ASAP1: variants seen among roughly 807,000 people sequenced by gnomAD.
ASAP1 encodes arf-GAP with SH3 domain, ANK repeat and PH domain-containing protein 1.
In ASAP1, 43 loss-of-function variants were observed where a neutral mutation model predicts 145.2. That is an observed-to-expected ratio of 0.30 (90% CI 0.23 to 0.38). ASAP1 has a LOEUF of 0.38. ASAP1 is among the 10% of genes least tolerant of loss of function. The pLI is 1.00. For missense variants in ASAP1, 1,018 were observed against 1,355.3 expected, an observed-to-expected ratio of 0.75 and a Z score of 3.91; for synonymous variants, 546 against 515.5, an observed-to-expected ratio of 1.06 and a Z score of -0.80.
intron 1 of ASAP1, among the ~76,000 whole-genome samples, chr8:130,405,771 T>C (rs984443953): frequency 2.0e-5 from 3 of 152,244 alleles, no homozygotes; most frequent in Non-Finnish European, 4.4e-5. Flanking sequence ...TCTATGTCCG[T>C]ACCTCACCCA....
intron 5 of ASAP1, among the ~76,000 whole-genome samples, chr8:130,213,007 T>C (rs527807489): frequency 6.6e-6 from 1 of 152,314 alleles, no homozygotes; most frequent in African/African-American, 2.4e-5. Context: ...GAACTGTCAG[T>C]CTTGTTTTGC....
chr8:130,439,553 C>T (rs1379452244), intron 1 of ASAP1, among the ~76,000 whole-genome samples: 1 of 151,692 alleles, frequency 6.6e-6, no homozygotes, highest in Non-Finnish European at 1.5e-5. Flanking sequence ...AAGGCCAGCA[C>T]CAAGTGTTTC....
At chr8:130,072,822 T>TGTGTGCGCGTGTGC (rs1554816353) in intron 27 of ASAP1, among the ~76,000 whole-genome samples, 19 of 26,056 alleles carry the variant, frequency 7.3e-4, no homozygotes, top group South Asian at 1.5e-3. Context: ...TGTGTGTGTG[T>TGTGTGCGCGTGTGC]GTGCGCGCGG....
chr8:130,125,254 CCAGTAGGCATCCTACT>C (rs2097573182), intron 17 of ASAP1, among the ~76,000 whole-genome samples: 1 of 151,980 alleles, frequency 6.6e-6, no homozygotes, highest in Non-Finnish European at 1.5e-5. Flanking sequence ...GGGCATTTGT[CCAGTAGGCATCCTACT>C]TGGGGGATGC....
At chr8:130,270,900 G>T (rs1371509715) in intron 3 of ASAP1, among the ~76,000 whole-genome samples, 2 of 107,256 alleles carry the variant, frequency 1.9e-5, no homozygotes, top group Non-Finnish European at 2.0e-5. Context: ...AATCTTTCCT[G>T]TAAGTATTAC....
chr8:130,302,423 T>C (rs1172052301), intron 3 of ASAP1, among the ~76,000 whole-genome samples: 1 of 152,024 alleles, frequency 6.6e-6, no homozygotes, highest in African/African-American at 2.4e-5. Context: ...GAGAGAGAAA[T>C]GCTAAAAATG....
chr8:130,309,725 A>T (rs912462839), intron 3 of ASAP1, among the ~76,000 whole-genome samples: 1 of 152,240 alleles, frequency 6.6e-6, no homozygotes, highest in Non-Finnish European at 1.5e-5. Context: ...GGGGAAAATG[A>T]GAAAACTCAA....
chr8:130,070,634 G>C (rs1214306567), intron 27 of ASAP1, among the ~76,000 whole-genome samples: 1 of 151,726 alleles, frequency 6.6e-6, no homozygotes, highest in Admixed American at 6.6e-5. Context: ...AAGGGACCTT[G>C]CTATGAAATG....
intron 20 of ASAP1, 120 bp from the exon 21 acceptor site, chr8:130,117,115 A>AGAAAATTAT (rs1318951675): frequency 4.8e-6 from 3 of 627,640 alleles, no homozygotes; most frequent in Non-Finnish European, 8.2e-6. Flanking sequence ...ATTATAATAG[A>AGAAAATTAT]GAAAATTATG....
intron 3 of ASAP1, among the ~76,000 whole-genome samples, chr8:130,324,866 G>C (rs375563715): frequency 1.3e-5 from 2 of 152,250 alleles, no homozygotes; most frequent in East Asian, 1.9e-4. Flanking sequence ...CTCAGCTAGT[G>C]GCACAGTGCA....
Position 130,064,893 on chromosome 8 carries a change from A to ATGTGTGTGTG in ASAP1, c.2702-3834_2702-3825dup, listed in dbSNP as rs34905534. Among the ~76,000 whole-genome samples, 711 of 142,642 alleles carry ATGTGTGTGTG rather than the reference A, an allele frequency of 5.0e-3. 6 individuals are homozygous for ATGTGTGTGTG. The highest frequency in any genetic ancestry group is 0.013 in the African/African-American group (494 of 37,828). The allele number at this position is 142,642 out of a possible 152,430, so 93.6% of individuals were successfully genotyped here. On this transcript the variant is annotated intron_variant, in intron 27 of 29. Coordinates refer to ENST00000518721, the MANE Select transcript of ASAP1 (RefSeq NM_018482.4). ...ACCTAAGTTTATCAGTTTACTAAGA[A>ATGTGTGTGTG]TGTGTGTGTGTGTGTGTGTGTGTGT...
intron 3 of ASAP1, among the ~76,000 whole-genome samples, chr8:130,308,983 T>A (rs1030630021): frequency 2.0e-5 from 3 of 151,992 alleles, no homozygotes; most frequent in African/African-American, 7.3e-5. Context: ...AGGGAGCCAG[T>A]TGGTATTTTA....
chr8:130,177,390 C>A (rs1211223166), intron 9 of ASAP1, among the ~76,000 whole-genome samples: 3 of 152,128 alleles, frequency 2.0e-5, no homozygotes, highest in African/African-American at 7.2e-5. Context: ...AGTTTTGCTG[C>A]CAAAGTACTG....
In ASAP1 at chr8:130,080,975, A is replaced by T. The variant is rs144587210; in HGVS notation, c.2573-1004T>A. Among the ~76,000 whole-genome samples the T allele has an allele frequency of 2.8e-3, 432 of 152,318 alleles. 1 individual carries two copies. Among genetic ancestry groups the T allele is most frequent in the African/African-American group, 0.01 (418 of 41,566 alleles). On this transcript the variant is annotated intron_variant, in intron 25 of 29. Transcript: ENST00000518721. ...AAGCATCTACTATGTGCAAGGCATA[A>T]ATGTGAAGCAGAAGGCACAAAAACA...
intron 4 of ASAP1, among the ~76,000 whole-genome samples, chr8:130,229,850 G>A (rs1206863746): frequency 1.3e-5 from 2 of 152,096 alleles, no homozygotes; most frequent in Non-Finnish European, 2.9e-5. Context: ...AGACTAGCCT[G>A]GGCAACATGG....
intron 1 of ASAP1, among the ~76,000 whole-genome samples, chr8:130,403,554 C>CTTTTT (rs372481861): frequency 1.7e-4 from 21 of 125,382 alleles, no homozygotes; most frequent in Non-Finnish European, 1.8e-4. Flanking sequence ...TTTTCTTTTT[C>CTTTTT]TTTTTTTTTT....
intron 25 of ASAP1, chr8:130,083,122 G>A (rs919915799): frequency 6.6e-6 from 1 of 152,180 alleles, no homozygotes; most frequent in African/African-American, 2.4e-5. Context: ...CTCTGCTGTG[G>A]TCATTCATTC....
intron 11 of ASAP1, among the ~76,000 whole-genome samples, chr8:130,167,264 C>G (rs148886160): frequency 6.6e-6 from 1 of 151,596 alleles, no homozygotes; most frequent in Non-Finnish European, 1.5e-5. Context: ...CCGCCTCACT[C>G]TAGCCTGGGT....
At chr8:130,124,893 T>G (rs186013713) in intron 17 of ASAP1, among the ~76,000 whole-genome samples, 11 of 152,348 alleles carry the variant, frequency 7.2e-5, no homozygotes, top group Admixed American at 2.6e-4. Context: ...GTAATAGGTC[T>G]GTGTCTTTTC....
Sources: allele counts gnomAD v4.1 joint callset (sites outside exome capture counted in the v4.1 genomes callset), GRCh38; gene constraint gnomAD v4.1.1; transcripts MANE v1.5; gene names NCBI Gene and HGNC (gene_info 2026-07-23, HGNC 2026-07-21).